The following TRPC6 variants were observed in gnomAD, a reference collection of about 807,000 sequenced individuals.
The protein encoded by TRPC6 is transient receptor potential cation channel subfamily C member 6.
Under a neutral mutation model 90.7 loss-of-function variants are expected in TRPC6, and 55 were observed. The observed-to-expected ratio is 0.61, with a 90% CI of 0.49 to 0.76. The LOEUF is 0.76. Ranked by LOEUF, TRPC6 falls within the 30% of genes least tolerant of loss-of-function variation. TRPC6 has a pLI of 0.00. For missense variants in TRPC6, 989 were observed against 1,122.7 expected (o/e 0.88, Z 1.70); for synonymous variants, 393 against 393.0 (o/e 1.00, Z 0.00).
rs771158461 is a variant in TRPC6, at chr11:101,489,003, C to T, written c.1227G>A (p.Val409=). ...RQQTMAVKFL[V]VLAVAIGLPF... ...GCAGTCCAATGGCAACAGCAAGGAC[C>T]ACAAGGAACTTGACCGCCATTGTCT... The change falls in exon 4 of 13, where the codon GTG becomes GTA. Residue 409 remains valine (V), a synonymous_variant. Coordinates refer to ENST00000344327, the MANE Select transcript of TRPC6 (RefSeq NM_004621.6). The T allele has an allele frequency of 6.2e-6, 10 of 1,614,136 alleles. No individual in the cohort carries two copies. In the South Asian group the frequency reaches 9.9e-5, roughly 16 times the overall value.
rs1170618171 is a variant in TRPC6 at position 101,452,420 on chromosome 11, T to TATCA, written c.*531_*534dup. 1 of 156,932 alleles carries TATCA rather than the reference T, an allele frequency of 6.4e-6. No homozygotes were observed. The highest frequency in any genetic ancestry group is 2.4e-5 in the African/African-American group (1 of 41,458). 9.7% of individuals were successfully genotyped at this position (156,932 alleles called of 1,614,324 possible). ...ATGTAAGACCATTTTGTATGAACGG[T>TATCA]ATCAATCATGTGCATTGAGGGATAA... is the stretch of plus-strand genomic sequence containing the variant. On this transcript the variant is annotated 3_prime_UTR_variant, in exon 13 of 13. Transcript: ENST00000344327.
intron 1 of TRPC6, among the ~76,000 whole-genome samples, chr11:101,529,268 G>A (rs1860853371): frequency 6.6e-6 from 1 of 152,092 alleles, no homozygotes; most frequent in East Asian, 1.9e-4. Flanking sequence ...ATATATAGTC[G>A]ATTAACTAGG....
chr11:101,469,391 A>G (rs1337405589), intron 10 of TRPC6, 36 bp downstream of exon 10: 1 of 749,374 alleles, frequency 1.3e-6, no homozygotes, highest in African/African-American at 1.7e-5. Flanking sequence ...AAGCCCGATC[A>G]TGTGCATGAC....
intron 2 of TRPC6, among the ~76,000 whole-genome samples, chr11:101,498,708 A>C (rs550041735): frequency 6.6e-6 from 1 of 152,220 alleles, no homozygotes; most frequent in African/African-American, 2.4e-5. Flanking sequence ...ATCGTCTTCA[A>C]ACAGAGGTAC....
chr11:101,512,260 T>G (rs1229652985), intron 1 of TRPC6, among the ~76,000 whole-genome samples: 1 of 152,144 alleles, frequency 6.6e-6, no homozygotes, highest in Non-Finnish European at 1.5e-5. Flanking sequence ...GCCTTAGTAT[T>G]CTATGAATGA....
intron 1 of TRPC6, among the ~76,000 whole-genome samples, chr11:101,579,913 G>A (rs1862156595): frequency 6.6e-6 from 1 of 152,040 alleles, no homozygotes; most frequent in African/African-American, 2.4e-5. Context: ...ATAACTCACA[G>A]GGCAACCACA....
At chr11:101,470,684 T>C (rs1438453533) in intron 9 of TRPC6, among the ~76,000 whole-genome samples, 1 of 152,112 alleles carries the variant, frequency 6.6e-6, no homozygotes, top group African/African-American at 2.4e-5. Context: ...TTTCAATCAA[T>C]GTCCTTAGCT....
At chr11:101,551,178 A>G (rs1861440868) in intron 1 of TRPC6, among the ~76,000 whole-genome samples, 1 of 151,984 alleles carries the variant, frequency 6.6e-6, no homozygotes, top group African/African-American at 2.4e-5. Flanking sequence ...CTATAAATAA[A>G]TAGTTCAATT....
At chr11:101,521,150 ACCTTT>A (rs1319362806) in intron 1 of TRPC6, among the ~76,000 whole-genome samples, 1 of 150,162 alleles carries the variant, frequency 6.7e-6, no homozygotes, top group Non-Finnish European at 1.5e-5. Flanking sequence ...CATTTCAGAG[ACCTTT>A]GTGACAGCCC....
At position 101,504,202 on chromosome 11, in the gene TRPC6, T is replaced by C. The variant is rs776386479; in HGVS notation, c.767A>G (p.Asn256Ser). 5 of 1,614,144 alleles carry C rather than the reference T, an allele frequency of 3.1e-6. No individual in the cohort carries two copies. The highest frequency in any genetic ancestry group is 4.2e-6 in the Non-Finnish European group (5 of 1,179,994). ...ATGCTTCTGTTTCTGGTTGCAGTCA[T>C]TGCACTTGCAGAAATAATCATGAGG... ...ERPHDYFCKC[N>S]DCNQKQKHDS... is the part of the protein sequence containing the mutation. The change falls in exon 2 of 13, where the codon AAT becomes AGT. Residue 256 changes from asparagine (N) to serine (S), a missense_variant. By Grantham distance (46) the Asn-to-Ser change is conservative. Around this residue, in one of 4 missense-constraint regions of TRPC6, gnomAD observed 486 missense variants for 591.9 expected, o/e 0.82. Coordinates refer to ENST00000344327, the MANE Select transcript of TRPC6 (RefSeq NM_004621.6).
intron 1 of TRPC6, among the ~76,000 whole-genome samples, chr11:101,548,149 A>C (rs1454831327): frequency 6.6e-6 from 1 of 150,752 alleles, no homozygotes; most frequent in African/African-American, 2.4e-5. Flanking sequence ...TCAACAAATA[A>C]GGTTTTCTAA....
chr11:101,565,162 T>C (rs1220633753), intron 1 of TRPC6, among the ~76,000 whole-genome samples: 3 of 152,094 alleles, frequency 2.0e-5, no homozygotes, highest in Non-Finnish European at 4.4e-5. Context: ...ATTCTTTGGA[T>C]ATGACACCAA....
At chr11:101,473,402 G>A in intron 7 of TRPC6, 107 bp downstream of exon 7, 2 of 1,317,180 alleles carry the variant, frequency 1.5e-6, no homozygotes, top group Admixed American at 4.0e-5. Context: ...AGGAACTAGA[G>A]ATGAAGTCTT....
chr11:101,481,764 C>T lies in TRPC6; in HGVS notation c.1510+1185G>A, dbSNP rs552952998. On this transcript the variant is annotated intron_variant, in intron 5 of 12. Coordinates refer to ENST00000344327, the MANE Select transcript of TRPC6 (RefSeq NM_004621.6). ...CAGCCTCTGGACTCTTTAAAGCCAC[C>T]GTCTATCTCACAACCACTGTGACCT... Among the ~76,000 whole-genome samples the T allele has an allele frequency of 4.6e-5, 7 of 152,226 alleles. No individual in the cohort carries two copies. The East Asian group carries it at 9.6e-4, about 21-fold the overall frequency.
intron 1 of TRPC6, among the ~76,000 whole-genome samples, chr11:101,558,164 C>T (rs1861602047): frequency 6.8e-6 from 1 of 146,140 alleles, no homozygotes; most frequent in East Asian, 2.1e-4. Flanking sequence ...GGCAAATACA[C>T]AAACACACAA....
intron 1 of TRPC6, among the ~76,000 whole-genome samples, chr11:101,548,434 T>C (rs1384414922): frequency 8.6e-6 from 1 of 116,712 alleles, no homozygotes. Flanking sequence ...TATATAAATA[T>C]ATAATACATA....
chr11:101,500,055 A>ATG (rs1052523091), intron 2 of TRPC6, among the ~76,000 whole-genome samples: 10 of 42,510 alleles, frequency 2.4e-4, no homozygotes, highest in Admixed American at 3.7e-4. Flanking sequence ...AATATAAAAT[A>ATG]TGTGTGTGTG....
chr11:101,515,841 A>G (rs556436900), intron 1 of TRPC6, among the ~76,000 whole-genome samples: 5 of 152,304 alleles, frequency 3.3e-5, no homozygotes, highest in African/African-American at 7.2e-5. Context: ...CAATAAAAAT[A>G]TTATATAAAC....
chr11:101,495,925 G>A (rs1859934734), intron 2 of TRPC6, among the ~76,000 whole-genome samples: 1 of 152,060 alleles, frequency 6.6e-6, no homozygotes, highest in African/African-American at 2.4e-5. Context: ...TGACACTCAA[G>A]AACTACCTGA....
Sources: gnomAD v4.1 joint callset for allele counts (sites outside exome capture counted in the v4.1 genomes callset) on GRCh38, gnomAD v4.1.1 for gene constraint, gnomAD v4.1.1 regional missense constraint, MANE v1.5 for transcripts, NCBI Gene and HGNC (gene_info 2026-07-23, HGNC 2026-07-21) for gene names.